Variants in GLIS2 observed in about 807,000 individuals in gnomAD.
GLIS2 encodes GLIS family zinc finger 2, also known as zinc finger protein GLIS2.
In GLIS2, 14 loss-of-function variants were observed where a neutral mutation model predicts 35.6. The ratio of observed to expected loss-of-function variants is 0.39; its 90% CI spans 0.26 to 0.61. The LOEUF is 0.61. GLIS2 is among the 20% of genes least tolerant of loss of function. GLIS2 has a pLI of 0.48. For missense variants in GLIS2, 675 were observed against 713.4 expected, an observed-to-expected ratio of 0.95 and a Z score of 0.61; for synonymous variants, 368 against 325.1, an observed-to-expected ratio of 1.13 and a Z score of -1.42.
intron 1 of GLIS2, among the ~76,000 whole-genome samples, chr16:4,324,982 C>T (rs1018453478): frequency 2.0e-5 from 3 of 152,204 alleles, no homozygotes; most frequent in African/African-American, 7.2e-5. Context: ...TGCCCGCCAG[C>T]CCCTGCTGCT....
chr16:4,319,373 G>A (rs2053350676), intron 1 of GLIS2, among the ~76,000 whole-genome samples: 2 of 152,166 alleles, frequency 1.3e-5, no homozygotes, highest in African/African-American at 2.4e-5. Context: ...CTGCTGGCTA[G>A]GGGATCTGTG....
chr16:4,335,490 C>T lies in GLIS2; in HGVS notation c.775+97C>T. 9.2e-7 allele frequency: 1 copy of T among 1,090,394 alleles called. No individual in the cohort carries two copies. Among genetic ancestry groups the T allele is most frequent in the South Asian group, 1.3e-5 (1 of 78,292 alleles). The allele number at this position is 1,090,394 out of a possible 1,614,324, so 67.5% of individuals were successfully genotyped here. On this transcript the variant is annotated intron_variant, in intron 6 of 6. Transcript: ENST00000433375. This position sits in a 1 kb window ranked among gnomAD's most constrained non-coding sequence, Gnocchi z 4.6. The stretch of plus-strand genomic sequence containing the variant: ...AGGGGGAGGGGACTGTTAAGTAAAT[C>T]CCGGGCCTCAGAGATAAGGGTTGAT...
intron 1 of GLIS2, among the ~76,000 whole-genome samples, chr16:4,319,480 G>A (rs925806146): frequency 1.3e-5 from 2 of 152,180 alleles, no homozygotes; most frequent in Non-Finnish European, 2.9e-5. Context: ...GCCCTGATGT[G>A]TATCTGGGGG....
chr16:4,318,545 G>T (rs1395940589), intron 1 of GLIS2, among the ~76,000 whole-genome samples: 2 of 152,184 alleles, frequency 1.3e-5, no homozygotes, highest in African/African-American at 4.8e-5. Context: ...TAGCCACAGC[G>T]ATTTCTTCCC....
At chr16:4,318,611 G>T (rs1254032908) in intron 1 of GLIS2, among the ~76,000 whole-genome samples, 1 of 152,174 alleles carries the variant, frequency 6.6e-6, no homozygotes, top group East Asian at 1.9e-4. Context: ...TGAACAGGCC[G>T]GAGGGAAAAC....
chr16:4,332,606 T>G lies in GLIS2; in HGVS notation c.172+154T>G, dbSNP rs9938257. On this transcript the variant is annotated intron_variant, in intron 2 of 6. Transcript: ENST00000433375. This position sits in a 1 kb window ranked among gnomAD's most constrained non-coding sequence, Gnocchi z 5.4. ...CGCTTGTCCTTCCATCCGCCCAGCA[T>G]CGTATGTCTGCAGGGAGGTGGGAGC... Among the ~76,000 whole-genome samples, 61,190 of 152,154 alleles carry G rather than the reference T, an allele frequency of 0.4. 16,115 individuals are homozygous for G. The highest frequency in any genetic ancestry group is 0.74 in the African/African-American group (30,847 of 41,492).
rs748574680 is a variant in GLIS2, at chr16:4,335,034, C to G, written c.523-26C>G. The G allele has an allele frequency of 3.1e-6, 5 of 1,613,330 alleles. No homozygotes were observed. Among genetic ancestry groups the G allele is most frequent in the Middle Eastern group, 1.6e-4 (1 of 6,062 alleles). On this transcript the variant is annotated intron_variant, in intron 4 of 6. Transcript: ENST00000433375. The surrounding 1 kb of genome is among the most constrained non-coding windows in gnomAD (Gnocchi z 4.6). ...TCTGGGGCAGGTCACCCCGCATGGG[C>G]TCAGAACACTTCCCATCCTCCGCAG...
rs1376266546 is a variant in GLIS2 at position 4,320,514 on chromosome 16, G to A, written c.-67+4260G>A. On this transcript the variant is annotated intron_variant, in intron 1 of 6. Coordinates refer to ENST00000433375, the MANE Select transcript of GLIS2 (RefSeq NM_032575.3). The surrounding 1 kb of genome is among the most constrained non-coding windows in gnomAD (Gnocchi z 5.6). Reference sequence around the variant, plus strand: ...GGGAACTGGAGTCTGGGGCTGTCTGGCCCTGACCCCTGAAATGTCGGTTTA... The same window carrying A: ...GGGAACTGGAGTCTGGGGCTGTCTGACCCTGACCCCTGAAATGTCGGTTTA... Among the ~76,000 whole-genome samples, 2 of 152,010 alleles carry A rather than the reference G, an allele frequency of 1.3e-5. No individual in the cohort carries two copies. The highest frequency in any genetic ancestry group is 6.5e-5 in the Admixed American group (1 of 15,290).
rs145404464 is a variant in GLIS2 at position 4,335,326 on chromosome 16, C to G, written c.708C>G (p.Arg236=). The G allele has an allele frequency of 6.2e-7, 1 of 1,613,876 alleles. No homozygotes were observed. The highest frequency in any genetic ancestry group is 1.1e-5 in the South Asian group (1 of 91,092). The change falls in exon 6 of 7, where the codon CGC becomes CGG. Residue 236 remains arginine, a synonymous_variant. Coordinates refer to ENST00000433375, the MANE Select transcript of GLIS2 (RefSeq NM_032575.3). The surrounding 1 kb of genome is among the most constrained non-coding windows in gnomAD (Gnocchi z 4.6). ...CACACACCAACGAGAAGCCACACCG[C>G]TGTCCGACCTGCAGCAAGAGCTTCT... ...IRTHTNEKPH[R]CPTCSKSFSR...
Position 4,336,748 on chromosome 16 carries a change from T to A in GLIS2, c.799T>A (p.Tyr267Asn). ...HTGEKPYVCPYEGCNKRYSNS... is the reference protein window; with the variant it reads ...HTGEKPYVCPNEGCNKRYSNS... ...AGGTGAGAAGCCCTACGTCTGCCCC[T>A]ACGAGGGCTGCAACAAGCGCTATTC... The change falls in exon 7 of 7, where the codon TAC becomes AAC. Residue 267 changes from tyrosine to asparagine, a missense_variant. Tyr to Asn is a moderately radical substitution (Grantham distance 143). Coordinates refer to ENST00000433375, the MANE Select transcript of GLIS2 (RefSeq NM_032575.3). The A allele has an allele frequency of 6.2e-7, 1 of 1,607,594 alleles. No individual in the cohort carries two copies. Among genetic ancestry groups the A allele is most frequent in the Non-Finnish European group, 8.5e-7 (1 of 1,177,488 alleles).
In GLIS2 at chr16:4,337,842, C is replaced by G; in HGVS notation, c.*318C>G. ...CTCCCGTTTCCCTCTCCCACCCTGG[C>G]ACCTCCCTCACCTAGTGACCACCCA... is the stretch of plus-strand genomic sequence containing the variant. On this transcript the variant is annotated 3_prime_UTR_variant, in exon 7 of 7. Coordinates refer to ENST00000433375, the MANE Select transcript of GLIS2 (RefSeq NM_032575.3). The G allele has an allele frequency of 1.9e-6, 1 of 513,786 alleles. No individual in the cohort carries two copies. Among genetic ancestry groups the G allele is most frequent in the East Asian group, 3.5e-5 (1 of 28,638 alleles). The allele number at this position is 513,786 out of a possible 1,614,324, so 31.8% of individuals were successfully genotyped here.
chr16:4,322,764 C>T (rs571823645), intron 1 of GLIS2, among the ~76,000 whole-genome samples: 20 of 152,322 alleles, frequency 1.3e-4, no homozygotes, highest in Non-Finnish European at 2.4e-4. Flanking sequence ...GTCCACCGCC[C>T]GCCTTACCCA....
At chr16:4,315,628 C>G (rs113419319), upstream of GLIS2, among the ~76,000 whole-genome samples, 830 of 150,832 alleles carry the variant, frequency 5.5e-3, 8 homozygotes, top group South Asian at 7.3e-3. Flanking sequence ...ACCTCCCGGC[C>G]GTGTCCTAGC....
At chr16:4,334,333 G>A (rs1458131830) in intron 3 of GLIS2, among the ~76,000 whole-genome samples, 1 of 151,174 alleles carries the variant, frequency 6.6e-6, no homozygotes, top group Non-Finnish European at 1.5e-5. Context: ...TGCCTCCCAG[G>A]TTCAAGCAAT....
chr16:4,337,177 A>G lies in GLIS2; in HGVS notation c.1228A>G (p.Asn410Asp). The G allele has an allele frequency of 6.5e-7, 1 of 1,543,524 alleles. No homozygotes were observed. Among genetic ancestry groups the G allele is most frequent in the Non-Finnish European group, 8.7e-7 (1 of 1,146,880 alleles). ...PGLPGPVLPLNLAKNPLLPSP... is the reference protein window; with the variant it reads ...PGLPGPVLPLDLAKNPLLPSP... Reference sequence around the variant, plus strand: ...GCTGCCAGGCCCCGTCCTGCCTCTCAATCTGGCCAAGAACCCGCTGCTGCC... The same window carrying G: ...GCTGCCAGGCCCCGTCCTGCCTCTCGATCTGGCCAAGAACCCGCTGCTGCC... The change falls in exon 7 of 7, where the codon AAT becomes GAT. Residue 410 changes from asparagine to aspartate, a missense_variant. Asn to Asp is a conservative substitution (Grantham distance 23, BLOSUM62 1). Around this residue, in one of 3 missense-constraint regions of GLIS2, gnomAD observed 317 missense variants for 283.2 expected, o/e 1.12. Coordinates refer to ENST00000433375, the MANE Select transcript of GLIS2 (RefSeq NM_032575.3).
At chr16:4,321,337 G>A (rs570801941) in intron 1 of GLIS2, among the ~76,000 whole-genome samples, 1 of 152,352 alleles carries the variant, frequency 6.6e-6, no homozygotes, top group Admixed American at 6.5e-5. Context: ...CCTGCTTCTA[G>A]CCTTGACCTT....
At chr16:4,315,414 C>G (rs758308424), upstream of GLIS2, 2 of 152,428 alleles carry the variant, frequency 1.3e-5, no homozygotes, top group South Asian at 4.1e-4. Context: ...GCATTCCTGC[C>G]GCCTTCCCCG....
chr16:4,322,315 G>C (rs1015896268), intron 1 of GLIS2, among the ~76,000 whole-genome samples: 9 of 152,072 alleles, frequency 5.9e-5, no homozygotes, highest in Non-Finnish European at 1.0e-4. Flanking sequence ...CTGCCTCCTC[G>C]TCTACTCCAT....
At position 4,337,282 on chromosome 16, in the gene GLIS2, G is replaced by A. The variant is rs1283022031; in HGVS notation, c.1333G>A (p.Glu445Lys). Residue 445 changes from glutamate to lysine, a missense_variant, in exon 7 of 7, where the codon GAG (glutamate) becomes AAG (lysine). Glu to Lys is a moderately conservative substitution (Grantham distance 56, BLOSUM62 1). Transcript: ENST00000433375. ...AGAAGGKAEG[E>K]KGRGSVPTRA... is the part of the protein sequence containing the mutation. ...CGCAGCTGGTGGCAAGGCCGAGGGG[G>A]AGAAGGGGCGTGGGTCGGTGCCCAC... 5.8e-6 allele frequency: 9 copies of A among 1,551,932 alleles called. No individual in the cohort carries two copies. Among genetic ancestry groups the A allele is most frequent in the Non-Finnish European group, 7.8e-6 (9 of 1,149,362 alleles).
Sources: allele counts gnomAD v4.1 joint callset (sites outside exome capture counted in the v4.1 genomes callset), GRCh38; gene constraint gnomAD v4.1.1; regional missense constraint gnomAD v4.1.1; non-coding constraint Gnocchi (gnomAD v3.1); transcripts MANE v1.5; gene names NCBI Gene and HGNC (gene_info 2026-07-23, HGNC 2026-07-21).